The following PRDM2 variants were observed in gnomAD, a reference collection of about 807,000 sequenced individuals.
The protein encoded by PRDM2 is PR domain zinc finger protein 2.
In PRDM2, 30 loss-of-function variants were observed where a neutral mutation model predicts 130.0. The observed-to-expected ratio is 0.23, with a 90% CI of 0.17 to 0.31. The LOEUF (loss-of-function observed/expected upper bound fraction) is 0.31. Ranked by LOEUF, PRDM2 falls within the 10% of genes least tolerant of loss-of-function variation. The pLI is 1.00. For synonymous variants in PRDM2, 871 were observed against 782.4 expected (o/e 1.11, Z -1.89); for missense variants, 2,011 against 2,108.4 (o/e 0.95, Z 0.90).
At chr1:13,720,558 T>G (rs1642691190) in intron 2 of PRDM2, among the ~76,000 whole-genome samples, 1 of 152,140 alleles carries the variant, frequency 6.6e-6, no homozygotes, top group Non-Finnish European at 1.5e-5. Context: ...AAATTCTTAA[T>G]AAATACAAAT....
At chr1:13,778,331 G>T in intron 7 of PRDM2, 87 bp from the exon 8 acceptor site, 1 of 1,347,658 alleles carries the variant, frequency 7.4e-7, no homozygotes, top group East Asian at 2.3e-5. Flanking sequence ...GGTGGTAAGA[G>T]AAATAACTTG....
Position 13,782,043 on chromosome 1 carries a change from G to A in PRDM2, c.4248G>A (p.Lys1416=). The A allele has an allele frequency of 1.2e-6, 2 of 1,613,992 alleles. No individual in the cohort carries two copies. The highest frequency in any genetic ancestry group is 1.7e-6 in the Non-Finnish European group (2 of 1,179,988). ...SVELSKMSSN[K]LKLNALKKKN... is the part of the protein sequence containing the mutation. The stretch of plus-strand genomic sequence containing the variant: ...AGCTCAGCAAAATGTCGTCGAATAA[G>A]CTCAAATTAAATGCATTGAAGAAAA... Residue 1416 remains lysine, a synonymous_variant, in exon 8 of 10, where the codon AAG becomes AAA. Coordinates refer to ENST00000311066, the MANE Select transcript of PRDM2 (RefSeq NM_001393986.1).
chr1:13,780,021 T>C lies in PRDM2; in HGVS notation c.2226T>C (p.Ser742=). The C allele has an allele frequency of 1.2e-6, 2 of 1,614,184 alleles. No individual in the cohort carries two copies. Among genetic ancestry groups the C allele is most frequent in the East Asian group, 2.2e-5 (1 of 44,888 alleles). Residue 742 remains serine (S), a synonymous_variant, in exon 8 of 10, where the codon AGT becomes AGC. Transcript: ENST00000311066. ...AGAGGCGGACCAGCTCTCCTCCCAG[T>C]TCTCCACAGCACAGTCCTGCCCTTC... ...RFKRRTSSPP[S]SPQHSPALRD...
intron 2 of PRDM2, among the ~76,000 whole-genome samples, chr1:13,720,193 T>C (rs1642677760): frequency 6.6e-6 from 1 of 152,260 alleles, no homozygotes; most frequent in South Asian, 2.1e-4. Context: ...TAAAATTTGC[T>C]TATTCTTATA....
At chr1:13,785,834 CTTTTTTTTTTT>C (rs537560305) in intron 8 of PRDM2, among the ~76,000 whole-genome samples, 1 of 115,110 alleles carries the variant, frequency 8.7e-6, no homozygotes, top group African/African-American at 3.2e-5. Context: ...TTTTTGGGTT[CTTTTTTTTTTT>C]TTTTTTTTAA....
chr1:13,787,844 A>T (rs1309294348), intron 8 of PRDM2: 50 of 982,760 alleles, frequency 5.1e-5, no homozygotes, highest in Non-Finnish European at 5.9e-5. Flanking sequence ...TTTGACATAC[A>T]AAAAGGGGTT....
chr1:13,743,069 C>T (rs1643494256), intron 5 of PRDM2, among the ~76,000 whole-genome samples: 1 of 152,080 alleles, frequency 6.6e-6, no homozygotes, highest in African/African-American at 2.4e-5. Context: ...TGAGCAAAGG[C>T]CATATCTCCC....
chr1:13,808,544 C>T (rs1016685149), intron 8 of PRDM2, among the ~76,000 whole-genome samples: 3 of 151,366 alleles, frequency 2.0e-5, no homozygotes, highest in Non-Finnish European at 4.4e-5. Context: ...CTACGTATCT[C>T]ATTCATTTTG....
intron 9 of PRDM2, among the ~76,000 whole-genome samples, chr1:13,818,675 G>A (rs748485078): frequency 1.3e-5 from 2 of 152,042 alleles, no homozygotes; most frequent in East Asian, 3.9e-4. Context: ...GTGAGCCACC[G>A]CTCCCGGCTG....
At chr1:13,701,800 T>A (rs1034929373) in intron 1 of PRDM2, among the ~76,000 whole-genome samples, 1 of 152,228 alleles carries the variant, frequency 6.6e-6, no homozygotes, top group African/African-American at 2.4e-5. Context: ...TTGAAATAAG[T>A]TAATACATTT....
At chr1:13,765,331 C>G (rs1644199128) in intron 6 of PRDM2, among the ~76,000 whole-genome samples, 1 of 152,208 alleles carries the variant, frequency 6.6e-6, no homozygotes, top group Non-Finnish European at 1.5e-5. Context: ...TTTTAGGTAT[C>G]CATTTCCAGC....
At chr1:13,818,830 G>A (rs553479736) in intron 9 of PRDM2, among the ~76,000 whole-genome samples, 49 of 152,080 alleles carry the variant, frequency 3.2e-4, no homozygotes, top group African/African-American at 9.4e-4. Flanking sequence ...CTCTGGGGCC[G>A]GCTGCTCCCT....
chr1:13,706,237 C>T (rs1471497947), intron 1 of PRDM2, among the ~76,000 whole-genome samples: 1 of 152,200 alleles, frequency 6.6e-6, no homozygotes, highest in Non-Finnish European at 1.5e-5. Flanking sequence ...ACCCTAATTG[C>T]CTGTTCTCTT....
At chr1:13,744,446 G>A (rs1643542605) in intron 5 of PRDM2, among the ~76,000 whole-genome samples, 1 of 152,174 alleles carries the variant, frequency 6.6e-6, no homozygotes, top group Admixed American at 6.5e-5. Flanking sequence ...ATACATGATT[G>A]TTGTTATTTT....
At chr1:13,756,912 T>TAA (rs1643969612) in intron 6 of PRDM2, among the ~76,000 whole-genome samples, 1 of 152,174 alleles carries the variant, frequency 6.6e-6, no homozygotes, top group Non-Finnish European at 1.5e-5. Flanking sequence ...CTCCGAGGGG[T>TAA]TATGTGCTTT....
At chr1:13,703,573 C>A (rs1642127147) in intron 1 of PRDM2, among the ~76,000 whole-genome samples, 2 of 152,202 alleles carry the variant, frequency 1.3e-5, no homozygotes, top group Non-Finnish European at 1.5e-5. Context: ...AGCACTTTTG[C>A]TTCGGCATCA....
rs1020214498 is a variant in PRDM2, at chr1:13,803,709, G to A, written c.5037-12718G>A. On this transcript the variant is annotated intron_variant, in intron 8 of 9. Transcript: ENST00000311066. The surrounding 1 kb of genome is among the most constrained non-coding windows in gnomAD (Gnocchi z 6.2). Reference sequence around the variant, plus strand: ...GCAGCCACAGCCGGGGGCTTTCCCCGCGGGCAGGTTCTCCGGGCCGAGGTC... The same window carrying A: ...GCAGCCACAGCCGGGGGCTTTCCCCACGGGCAGGTTCTCCGGGCCGAGGTC... 4.6e-5 allele frequency among the ~76,000 whole-genome samples: 7 copies of A among 152,146 alleles called. No individual in the cohort carries two copies. The highest frequency in any genetic ancestry group is 8.8e-5 in the Non-Finnish European group (6 of 68,020).
chr1:13,705,991 A>G (rs1180433202), intron 1 of PRDM2, among the ~76,000 whole-genome samples: 1 of 151,484 alleles, frequency 6.6e-6, no homozygotes. Flanking sequence ...CAAAAAAAAA[A>G]AAAAAAAAAA....
chr1:13,734,158 A>G (rs918032535), intron 4 of PRDM2, among the ~76,000 whole-genome samples: 6 of 152,232 alleles, frequency 3.9e-5, no homozygotes, highest in African/African-American at 1.4e-4. Flanking sequence ...GAGTCATTGC[A>G]TTCTGTTATT....
Sources: gnomAD v4.1 joint callset for allele counts (sites outside exome capture counted in the v4.1 genomes callset) on GRCh38, gnomAD v4.1.1 for gene constraint, Gnocchi (gnomAD v3.1) non-coding constraint, MANE v1.5 for transcripts, NCBI Gene and HGNC (gene_info 2026-07-23, HGNC 2026-07-21) for gene names.